Variants in D2HGDH observed in about 807,000 individuals in gnomAD.
D2HGDH encodes the protein D-2-hydroxyglutarate dehydrogenase, mitochondrial.
A neutral mutation model predicts 46.9 loss-of-function variants in D2HGDH; 31 were observed. The ratio of observed to expected loss-of-function variants is 0.66; its 90% CI spans 0.50 to 0.89. The LOEUF (loss-of-function observed/expected upper bound fraction) is 0.89, where lower values mean the gene tolerates loss of function less well. D2HGDH is among the 40% of genes least tolerant of loss of function. The probability of loss-of-function intolerance (pLI) is 0.00; values close to 1 mark genes in which losing one functional copy is unlikely to be tolerated. For missense variants in D2HGDH, 698 were observed against 720.8 expected (o/e 0.97, Z 0.36); for synonymous variants, 364 against 332.6 (o/e 1.09, Z -1.03).
At chr2:241,764,530 G>A (rs1182173346) in intron 9 of D2HGDH, among the ~76,000 whole-genome samples, 3 of 152,238 alleles carry the variant, frequency 2.0e-5, no homozygotes, top group African/African-American at 4.8e-5. Flanking sequence ...GAGGAGGCAG[G>A]GAGCTGGCAG....
intron 9 of D2HGDH, among the ~76,000 whole-genome samples, chr2:241,758,437 A>G (rs903193561): frequency 2.6e-5 from 4 of 151,872 alleles, no homozygotes; most frequent in Non-Finnish European, 5.9e-5. Context: ...TTGTTCGAAT[A>G]TTCTTTTGTT....
At chr2:241,763,539 A>T (rs1038259560) in intron 9 of D2HGDH, among the ~76,000 whole-genome samples, 1 of 152,082 alleles carries the variant, frequency 6.6e-6, no homozygotes, top group Non-Finnish European at 1.5e-5. Flanking sequence ...AGATGACCGT[A>T]CTCTACTCTA....
Position 241,742,364 on chromosome 2 carries a change from CG to C in D2HGDH, c.351-69del. 6.6e-7 allele frequency: 1 copy of C among 1,524,328 alleles called. No individual in the cohort carries two copies. The highest frequency in any genetic ancestry group is 1.2e-5 in the South Asian group (1 of 81,928). 94.4% of individuals were successfully genotyped at this position (1,524,328 alleles called of 1,614,324 possible). On this transcript the variant is annotated intron_variant, in intron 3 of 9. Coordinates refer to ENST00000321264, the MANE Select transcript of D2HGDH (RefSeq NM_152783.5). The surrounding 1 kb of genome is among the most constrained non-coding windows in gnomAD (Gnocchi z 4.8). ...GATTTGGAGTCAGGCACTGGTCCTGCGGCGTGTCCTTGGGGATGGTGGCGTA... is the reference window on the plus strand; with the variant it reads ...GATTTGGAGTCAGGCACTGGTCCTGCGCGTGTCCTTGGGGATGGTGGCGTA...
chr2:241,760,480 G>A (rs1323597383), intron 9 of D2HGDH, among the ~76,000 whole-genome samples: 2 of 151,224 alleles, frequency 1.3e-5, no homozygotes, highest in Non-Finnish European at 2.9e-5. Context: ...GCCACAGCGT[G>A]GGTGGGCCTT....
At chr2:241,749,525 C>T in intron 6 of D2HGDH, 2 of 449,976 alleles carry the variant, frequency 4.4e-6, no homozygotes, top group African/African-American at 2.1e-5. Flanking sequence ...TCACTGGTAG[C>T]CCCCACCAAC....
rs1559355010 is a variant in D2HGDH at position 241,742,303 on chromosome 2, C to T, written c.351-132C>T. ...CTCACATGCGTGGGCTGGGGAGGAG[C>T]CCCCGCTGAGGCTGCAGGCAGGGCA... On this transcript the variant is annotated intron_variant, in intron 3 of 9. Coordinates refer to ENST00000321264, the MANE Select transcript of D2HGDH (RefSeq NM_152783.5). This position sits in a 1 kb window ranked among gnomAD's most constrained non-coding sequence, Gnocchi z 4.8. The T allele has an allele frequency of 8.1e-7, 1 of 1,234,472 alleles. No homozygotes were observed. The highest frequency in any genetic ancestry group is 1.5e-5 in the African/African-American group (1 of 66,188). The allele number at this position is 1,234,472 out of a possible 1,614,324, so 76.5% of individuals were successfully genotyped here. A position where few individuals can be genotyped will look rare whatever the true frequency, so the allele number is the denominator to read the frequency against.
chr2:241,746,538 G>A (rs888888854), intron 6 of D2HGDH, among the ~76,000 whole-genome samples: 1 of 152,154 alleles, frequency 6.6e-6, no homozygotes, highest in Non-Finnish European at 1.5e-5. Flanking sequence ...TGGGTCATTT[G>A]AGGTCAGGAG....
At chr2:241,754,911 C>T (rs1697915978) in intron 8 of D2HGDH, 7 of 946,026 alleles carry the variant, frequency 7.4e-6, no homozygotes, top group Non-Finnish European at 9.7e-6. Flanking sequence ...CCAAGTGTTT[C>T]TCTTAGAATT....
At chr2:241,736,973 C>G (rs1252243392) in intron 2 of D2HGDH, among the ~76,000 whole-genome samples, 2 of 151,002 alleles carry the variant, frequency 1.3e-5, no homozygotes, top group Non-Finnish European at 3.0e-5. Context: ...ACCGTTTTTT[C>G]TTTTTGTTTT....
chr2:241,764,214 G>C (rs995839200), intron 9 of D2HGDH, among the ~76,000 whole-genome samples: 2 of 152,196 alleles, frequency 1.3e-5, no homozygotes, highest in African/African-American at 4.8e-5. Flanking sequence ...GACGGGGACT[G>C]TGGGAGGGGT....
rs534882650 is a variant in D2HGDH, at chr2:241,768,493, G to C, written c.*524G>C. ...GCTGCGGCTCTGCTGAATGGAGCCG[G>C]GTCCCTCAGGCCGTGGACGCCCTCG... On this transcript the variant is annotated 3_prime_UTR_variant, in exon 10 of 10. Transcript: ENST00000321264. 6.5e-6 allele frequency: 1 copy of C among 154,290 alleles called. No individual in the cohort carries two copies. Among genetic ancestry groups the C allele is most frequent in the Admixed American group, 6.5e-5 (1 of 15,434 alleles). 9.6% of individuals were successfully genotyped at this position (154,290 alleles called of 1,614,324 possible). A position where few individuals can be genotyped will look rare whatever the true frequency, so the allele number is the denominator to read the frequency against.
chr2:241,751,649 G>A (rs564868755), intron 8 of D2HGDH, among the ~76,000 whole-genome samples: 4 of 152,248 alleles, frequency 2.6e-5, no homozygotes, highest in African/African-American at 9.6e-5. Context: ...TGAGCAAGGG[G>A]ACTGCCCCAT....
intron 9 of D2HGDH, among the ~76,000 whole-genome samples, chr2:241,757,088 C>A (rs895697789): frequency 6.6e-6 from 1 of 152,210 alleles, no homozygotes; most frequent in African/African-American, 2.4e-5. Flanking sequence ...GTATTACTTA[C>A]GAAGGTCCCG....
chr2:241,750,595 T>G (rs973159857), intron 7 of D2HGDH, among the ~76,000 whole-genome samples: 3 of 152,212 alleles, frequency 2.0e-5, no homozygotes, highest in Non-Finnish European at 4.4e-5. Flanking sequence ...CTGGGAGACT[T>G]TCTTTCCATT....
At chr2:241,755,049 C>G in intron 8 of D2HGDH, 1 of 1,300,690 alleles carries the variant, frequency 7.7e-7, no homozygotes. Flanking sequence ...GTGCAGATCT[C>G]CACAATGGAA....
At chr2:241,737,901 C>G (rs1693379780) in intron 2 of D2HGDH, among the ~76,000 whole-genome samples, 1 of 152,154 alleles carries the variant, frequency 6.6e-6, no homozygotes, top group African/African-American at 2.4e-5. Flanking sequence ...TTGGGAAGAT[C>G]TGGAATTGTT....
At chr2:241,734,998 C>T (rs192151857) in intron 1 of D2HGDH, 135 bp from the exon 2 acceptor site, 8 of 532,370 alleles carry the variant, frequency 1.5e-5, no homozygotes, top group African/African-American at 8.1e-5. Context: ...CGCGGGGTTG[C>T]GGCCCGGGCA....
intron 6 of D2HGDH, chr2:241,748,861 G>C (rs1164349646): frequency 3.9e-6 from 5 of 1,287,118 alleles, no homozygotes; most frequent in Non-Finnish European, 5.1e-6. Context: ...CACTCCAACT[G>C]CAGTCACCTG....
chr2:241,751,307 G>C lies in D2HGDH; in HGVS notation c.1059G>C (p.Lys353Asn). ...SGSNAGHDAEKLGHFLEHALG... is the reference protein window; with the variant it reads ...SGSNAGHDAENLGHFLEHALG... ...CCAACGCAGGCCATGACGCTGAGAA[G>C]CTGGGCCACTTCCTGGAGCACGCGC... The change falls in exon 8 of 10, where the codon AAG becomes AAC. Residue 353 changes from lysine (K) to asparagine (N), a missense_variant. Coordinates refer to ENST00000321264, the MANE Select transcript of D2HGDH (RefSeq NM_152783.5). 1 of 1,613,978 alleles carries C rather than the reference G, an allele frequency of 6.2e-7. No homozygotes were observed. The highest frequency in any genetic ancestry group is 8.5e-7 in the Non-Finnish European group (1 of 1,180,042).
Sources: allele counts gnomAD v4.1 joint callset (sites outside exome capture counted in the v4.1 genomes callset), GRCh38; gene constraint gnomAD v4.1.1; non-coding constraint Gnocchi (gnomAD v3.1); transcripts MANE v1.5; gene names NCBI Gene and HGNC (gene_info 2026-07-23, HGNC 2026-07-21).